Variants in PPARGC1A observed in about 807,000 individuals in gnomAD.
PPARGC1A encodes PPARG coactivator 1 alpha.
PPARGC1A carries 25 observed loss-of-function variants against 88.7 expected under a neutral mutation model. That is an observed-to-expected ratio of 0.28 (90% CI 0.21 to 0.39). The LOEUF (loss-of-function observed/expected upper bound fraction) is 0.39, where lower values mean the gene tolerates loss of function less well. Ranked by LOEUF, PPARGC1A falls within the 10% of genes least tolerant of loss-of-function variation. The pLI, the probability that PPARGC1A is intolerant of heterozygous loss-of-function variation, is 1.00. For synonymous variants in PPARGC1A, 363 were observed against 355.6 expected, an observed-to-expected ratio of 1.02 and a Z score of -0.24; for missense variants, 880 against 968.7, an observed-to-expected ratio of 0.91 and a Z score of 1.22.
the PPARGC1A span, among the ~76,000 whole-genome samples, chr4:24,094,242 C>T: frequency 6.6e-6 from 1 of 152,162 alleles, no homozygotes; most frequent in East Asian, 1.9e-4. Flanking sequence ...AAATAAGCTT[C>T]CAGTGTTATT....
At chr4:23,912,272 A>C in the PPARGC1A span, among the ~76,000 whole-genome samples, 1 of 152,150 alleles carries the variant, frequency 6.6e-6, no homozygotes, top group Non-Finnish European at 1.5e-5. Flanking sequence ...GGCTTCTGAC[A>C]GTGACCTCAG....
upstream of PPARGC1A, among the ~76,000 whole-genome samples, chr4:23,892,002 T>C (rs955936321): frequency 2.0e-5 from 3 of 152,214 alleles, no homozygotes; most frequent in Non-Finnish European, 2.9e-5. Flanking sequence ...GAAGAGTCAA[T>C]GTTTATTAAT....
At chr4:23,871,179 C>T (rs1713281060) in intron 2 of PPARGC1A, among the ~76,000 whole-genome samples, 1 of 150,308 alleles carries the variant, frequency 6.7e-6, no homozygotes, top group African/African-American at 2.5e-5. Context: ...TCTTTGTGAA[C>T]AGAATGTCTT....
the PPARGC1A span, among the ~76,000 whole-genome samples, chr4:24,193,497 T>C: frequency 6.6e-6 from 1 of 152,188 alleles, no homozygotes; most frequent in African/African-American, 2.4e-5. Context: ...TGATCTGTTT[T>C]ACCCTTCCTA....
chr4:24,304,912 T>C, the PPARGC1A span, among the ~76,000 whole-genome samples: 2 of 152,082 alleles, frequency 1.3e-5, no homozygotes, highest in Non-Finnish European at 2.9e-5. Flanking sequence ...AACTTGCTCA[T>C]TCAATAAAAT....
chr4:23,968,911 C>CCAAAACAAAACAAAA, the PPARGC1A span, among the ~76,000 whole-genome samples: 70 of 150,888 alleles, frequency 4.6e-4, no homozygotes, highest in African/African-American at 1.6e-3. Flanking sequence ...AAACTCCATC[C>CCAAAACAAAACAAAA]CAAAACAAAA....
At chr4:24,334,771 G>A in the PPARGC1A span, among the ~76,000 whole-genome samples, 1 of 152,156 alleles carries the variant, frequency 6.6e-6, no homozygotes, top group African/African-American at 2.4e-5. Context: ...GACAATGCTC[G>A]ACTGGATAGA....
At chr4:24,263,743 TCTTC>T in the PPARGC1A span, among the ~76,000 whole-genome samples, 4 of 152,118 alleles carry the variant, frequency 2.6e-5, no homozygotes, top group African/African-American at 9.7e-5. Context: ...AGATATTTTC[TCTTC>T]CTTATGATTT....
chr4:24,058,727 C>G, the PPARGC1A span, among the ~76,000 whole-genome samples: 303 of 152,232 alleles, frequency 2.0e-3, 2 homozygotes, highest in African/African-American at 6.9e-3. Context: ...GGGTGGATCA[C>G]CTGAGGTCAG....
the PPARGC1A span, among the ~76,000 whole-genome samples, chr4:24,052,857 T>TTC: frequency 9.2e-6 from 1 of 108,116 alleles, no homozygotes; most frequent in Admixed American, 8.7e-5. Context: ...TACGCAGATT[T>TTC]TTTTTTTTTT....
chr4:23,952,399 C>G, the PPARGC1A span, among the ~76,000 whole-genome samples: 8 of 152,092 alleles, frequency 5.3e-5, no homozygotes, highest in Non-Finnish European at 1.2e-4. Context: ...GCCAGAAAAC[C>G]AGGAAGTGGG....
At chr4:23,869,713 G>A (rs1169800713) in intron 2 of PPARGC1A, among the ~76,000 whole-genome samples, 5 of 152,068 alleles carry the variant, frequency 3.3e-5, no homozygotes, top group Admixed American at 1.3e-4. Context: ...GTGATATTAC[G>A]ATTTCGTATG....
At chr4:24,185,735 C>T in the PPARGC1A span, among the ~76,000 whole-genome samples, 1 of 152,066 alleles carries the variant, frequency 6.6e-6, no homozygotes, top group African/African-American at 2.4e-5. Context: ...GTGGTAAAAG[C>T]ACTAATGTGT....
the PPARGC1A span, among the ~76,000 whole-genome samples, chr4:23,981,232 C>A: frequency 6.6e-6 from 1 of 152,050 alleles, no homozygotes; most frequent in Non-Finnish European, 1.5e-5. Context: ...ACTTACCCAG[C>A]TTCCTACTGA....
chr4:24,203,900 G>A, the PPARGC1A span, among the ~76,000 whole-genome samples: 4 of 152,160 alleles, frequency 2.6e-5, no homozygotes, highest in African/African-American at 7.2e-5. Flanking sequence ...AAAAATGTAT[G>A]GTTCATTGTT....
At chr4:24,132,582 C>T in the PPARGC1A span, among the ~76,000 whole-genome samples, 1 of 152,142 alleles carries the variant, frequency 6.6e-6, no homozygotes, top group Non-Finnish European at 1.5e-5. Flanking sequence ...ATCTGAGAGC[C>T]CACTAATGCA....
the PPARGC1A span, among the ~76,000 whole-genome samples, chr4:24,009,993 A>G: frequency 6.6e-6 from 1 of 152,146 alleles, no homozygotes; most frequent in South Asian, 2.1e-4. Context: ...CACACATAGA[A>G]ACCTCTCAAC....
At chr4:23,918,794 A>G in the PPARGC1A span, among the ~76,000 whole-genome samples, 1 of 152,244 alleles carries the variant, frequency 6.6e-6, no homozygotes, top group African/African-American at 2.4e-5. Context: ...TGATTTGATC[A>G]TTCCAGGGCT....
chr4:24,156,462 G>C, the PPARGC1A span, among the ~76,000 whole-genome samples: 2 of 151,530 alleles, frequency 1.3e-5, no homozygotes, highest in African/African-American at 2.4e-5. Flanking sequence ...TCCATTTTTT[G>C]GTAACAGTTA....
Sources: gnomAD v4.1 joint callset for allele counts (sites outside exome capture counted in the v4.1 genomes callset) on GRCh38, gnomAD v4.1.1 for gene constraint, MANE v1.5 for transcripts, NCBI Gene and HGNC (gene_info 2026-07-23, HGNC 2026-07-21) for gene names.